Variants in EDIL3 observed in about 807,000 individuals in gnomAD.
EDIL3 encodes EGF-like repeat and discoidin I-like domain-containing protein 3.
In EDIL3, 37 loss-of-function variants were observed where a neutral mutation model predicts 67.4. The ratio of observed to expected loss-of-function variants is 0.55; its 90% CI spans 0.42 to 0.72. EDIL3 has a LOEUF of 0.72. EDIL3 is among the 30% of genes least tolerant of loss of function. The probability of loss-of-function intolerance (pLI) is 0.00; values close to 1 mark genes in which losing one functional copy is unlikely to be tolerated. For missense variants in EDIL3, 527 were observed against 586.3 expected (o/e 0.90, Z 1.04); for synonymous variants, 195 against 196.3 (o/e 0.99, Z 0.05).
rs71605883 is a variant in EDIL3 at position 83,947,363 on chromosome 5, C to CTGTGTG, written c.1294-3796_1294-3795insCACACA. On this transcript the variant is annotated intron_variant, in intron 10 of 10. Coordinates refer to ENST00000296591, the MANE Select transcript of EDIL3 (RefSeq NM_005711.5). ...TAGGGCAGCATGTATGTGTCTGTGT[C>CTGTGTG]TGTGTCTGTGTGTGTGTGTGTGTGT... is the stretch of plus-strand genomic sequence containing the variant. 7.0e-3 allele frequency among the ~76,000 whole-genome samples: 889 copies of CTGTGTG among 126,600 alleles called. 4 individuals are homozygous for CTGTGTG. The highest frequency in any genetic ancestry group is 9.7e-3 in the African/African-American group (334 of 34,586). The allele number at this position is 126,600 out of a possible 152,430, so 83.1% of individuals were successfully genotyped here.
At chr5:84,043,668 T>C (rs2112216644) in intron 9 of EDIL3, among the ~76,000 whole-genome samples, 1 of 152,332 alleles carries the variant, frequency 6.6e-6, no homozygotes, top group Admixed American at 6.5e-5. Flanking sequence ...TTAAGTCATG[T>C]AATGTCAGCA....
At chr5:84,319,451 G>A (rs1408636312) in intron 1 of EDIL3, among the ~76,000 whole-genome samples, 1 of 65,892 alleles carries the variant, frequency 1.5e-5, no homozygotes, top group South Asian at 7.7e-4. Flanking sequence ...GCGACAGAAC[G>A]AGACTCCGTC....
rs536595164 is a variant in EDIL3, at chr5:84,080,516, G to A, written c.652-13910C>T. On this transcript the variant is annotated intron_variant, in intron 6 of 10. Transcript: ENST00000296591. Reference sequence around the variant, plus strand: ...GCAGATTAATTGCACGCTCATCAAGGGTCATTTGTGTTTGTTCCCCAATCT... The same window carrying A: ...GCAGATTAATTGCACGCTCATCAAGAGTCATTTGTGTTTGTTCCCCAATCT... Among the ~76,000 whole-genome samples the A allele has an allele frequency of 1.1e-4, 17 of 151,998 alleles. No individual in the cohort carries two copies. The South Asian group carries it at 2.9e-3, about 26-fold the overall frequency.
At chr5:84,037,985 C>CTTTTT (rs1580292622) in intron 9 of EDIL3, among the ~76,000 whole-genome samples, 13 of 99,616 alleles carry the variant, frequency 1.3e-4, no homozygotes, top group African/African-American at 6.4e-4. Flanking sequence ...TTCTTTCTTT[C>CTTTTT]TTGTTTTTTT....
chr5:84,372,007 G>C (rs305644), intron 1 of EDIL3, among the ~76,000 whole-genome samples: 1 of 152,112 alleles, frequency 6.6e-6, no homozygotes, highest in Non-Finnish European at 1.5e-5. Context: ...GAACTTTAGA[G>C]ACTATCTTAG....
chr5:84,013,302 G>T (rs1001913556), intron 9 of EDIL3, among the ~76,000 whole-genome samples: 8 of 151,898 alleles, frequency 5.3e-5, no homozygotes, highest in African/African-American at 7.2e-5. Flanking sequence ...AAGAAACATT[G>T]TTCCTTACAA....
chr5:84,345,678 T>G (rs1747221848), intron 1 of EDIL3, among the ~76,000 whole-genome samples: 1 of 152,166 alleles, frequency 6.6e-6, no homozygotes. Flanking sequence ...TTTATATGAA[T>G]AGCTGAACAG....
In EDIL3 at chr5:84,045,531, C is replaced by A. The variant is rs959790556; in HGVS notation, c.1137+14769G>T. The stretch of plus-strand genomic sequence containing the variant: ...CTTCTAGTGAAAAAAAAATGTACAT[C>A]TATTTTTTAAAATATAAACTAATTC... On this transcript the variant is annotated intron_variant, in intron 9 of 10. Coordinates refer to ENST00000296591, the MANE Select transcript of EDIL3 (RefSeq NM_005711.5). 1.1e-4 allele frequency among the ~76,000 whole-genome samples: 16 copies of A among 152,174 alleles called. No homozygotes were observed. The South Asian group carries it at 2.5e-3, about 24-fold the overall frequency.
At chr5:84,282,696 T>A (rs1745728075) in intron 1 of EDIL3, among the ~76,000 whole-genome samples, 1 of 152,202 alleles carries the variant, frequency 6.6e-6, no homozygotes, top group South Asian at 2.1e-4. Flanking sequence ...TGGTATCTAC[T>A]TATATTCCCA....
At chr5:84,183,356 T>G (rs2112360240) in intron 3 of EDIL3, among the ~76,000 whole-genome samples, 1 of 152,264 alleles carries the variant, frequency 6.6e-6, no homozygotes, top group African/African-American at 2.4e-5. Context: ...GATAGTGATG[T>G]TAGAGTTTTG....
chr5:84,021,410 T>A (rs1745711158), intron 9 of EDIL3, among the ~76,000 whole-genome samples: 1 of 152,058 alleles, frequency 6.6e-6, no homozygotes, highest in African/African-American at 2.4e-5. Context: ...CGTTTCCATT[T>A]TCACTATTTC....
chr5:84,071,272 T>C (rs2112246115), intron 6 of EDIL3, among the ~76,000 whole-genome samples: 1 of 152,328 alleles, frequency 6.6e-6, no homozygotes, highest in East Asian at 1.9e-4. Context: ...TTGTAGTAGC[T>C]GAAGCTGGGA....
At chr5:84,299,455 T>A (rs1040393542) in intron 1 of EDIL3, among the ~76,000 whole-genome samples, 21 of 152,156 alleles carry the variant, frequency 1.4e-4, no homozygotes, top group Admixed American at 1.3e-4. Context: ...TCCTCATAGA[T>A]CCCTACAAAC....
chr5:84,285,504 A>G (rs1745791640), intron 1 of EDIL3, among the ~76,000 whole-genome samples: 2 of 152,240 alleles, frequency 1.3e-5, no homozygotes, highest in African/African-American at 4.8e-5. Flanking sequence ...TCTGGCACGT[A>G]TAATAGCAAT....
At chr5:84,186,721 G>C (rs1401978029) in intron 3 of EDIL3, among the ~76,000 whole-genome samples, 1 of 151,896 alleles carries the variant, frequency 6.6e-6, no homozygotes, top group Non-Finnish European at 1.5e-5. Flanking sequence ...TAACATACCA[G>C]CACACACGCA....
intron 1 of EDIL3, among the ~76,000 whole-genome samples, chr5:84,336,966 T>A (rs1182149652): frequency 6.6e-6 from 1 of 152,094 alleles, no homozygotes; most frequent in Admixed American, 6.6e-5. Flanking sequence ...CTATTCTAAT[T>A]CTTGCCTAGT....
chr5:84,271,981 T>C (rs1223623451), intron 1 of EDIL3, among the ~76,000 whole-genome samples: 4 of 152,178 alleles, frequency 2.6e-5, no homozygotes, highest in Admixed American at 2.0e-4. Flanking sequence ...TTAAAAAGTT[T>C]TGTTTTGTTC....
chr5:84,155,695 C>A (rs1454529490), intron 4 of EDIL3, among the ~76,000 whole-genome samples: 1 of 152,168 alleles, frequency 6.6e-6, no homozygotes, highest in Non-Finnish European at 1.5e-5. Context: ...GTTCTCCAAT[C>A]ATATCTTTTA....
chr5:84,228,184 G>A (rs1029963209), intron 3 of EDIL3, among the ~76,000 whole-genome samples: 1 of 151,952 alleles, frequency 6.6e-6, no homozygotes, highest in Non-Finnish European at 1.5e-5. Flanking sequence ...TTTTCTGGAA[G>A]AGGCCTCAAA....
Sources: allele counts gnomAD v4.1 joint callset (sites outside exome capture counted in the v4.1 genomes callset), GRCh38; gene constraint gnomAD v4.1.1; transcripts MANE v1.5; gene names NCBI Gene and HGNC (gene_info 2026-07-23, HGNC 2026-07-21).